Variants in TAOK3 observed in about 807,000 individuals in gnomAD.
The protein encoded by TAOK3 is serine/threonine-protein kinase TAO3.
A neutral mutation model predicts 120.4 loss-of-function variants in TAOK3; 40 were observed. The ratio of observed to expected loss-of-function variants is 0.33; its 90% CI spans 0.26 to 0.43. TAOK3 has a LOEUF of 0.43. TAOK3 is among the 20% of genes least tolerant of loss of function. The pLI is 1.00. For synonymous variants in TAOK3, 355 were observed against 387.5 expected, an observed-to-expected ratio of 0.92 and a Z score of 0.99; for missense variants, 821 against 1,112.1, an observed-to-expected ratio of 0.74 and a Z score of 3.72.
At chr12:118,250,652 T>A (rs2040710008) in intron 3 of TAOK3, among the ~76,000 whole-genome samples, 1 of 152,184 alleles carries the variant, frequency 6.6e-6, no homozygotes, top group Admixed American at 6.5e-5. Context: ...GTGCTAGGGA[T>A]AAGATAGTGA....
chr12:118,361,684 C>G (rs949708789), intron 1 of TAOK3, among the ~76,000 whole-genome samples: 1 of 152,074 alleles, frequency 6.6e-6, no homozygotes, highest in Non-Finnish European at 1.5e-5. Context: ...GTCTTGAACT[C>G]CTGACCTCAA....
At chr12:118,229,598 A>G (rs554026773) in intron 9 of TAOK3, among the ~76,000 whole-genome samples, 1 of 152,254 alleles carries the variant, frequency 6.6e-6, no homozygotes, top group African/African-American at 2.4e-5. Context: ...TTGATTAGAA[A>G]AGGTCTTCAT....
chr12:118,223,938 C>G (rs1475246701), intron 9 of TAOK3, among the ~76,000 whole-genome samples: 1 of 152,168 alleles, frequency 6.6e-6, no homozygotes, highest in Non-Finnish European at 1.5e-5. Flanking sequence ...CCAAGCCCAG[C>G]CCATAAGGTT....
chr12:118,170,819 GA>G (rs1206025960), intron 17 of TAOK3, among the ~76,000 whole-genome samples: 2 of 152,186 alleles, frequency 1.3e-5, no homozygotes, highest in African/African-American at 2.4e-5. Flanking sequence ...ACAGCATGCA[GA>G]AAGAGCCTGA....
chr12:118,276,323 T>A (rs988959656), intron 1 of TAOK3, among the ~76,000 whole-genome samples: 4 of 152,132 alleles, frequency 2.6e-5, no homozygotes, highest in Non-Finnish European at 4.4e-5. Context: ...GCTGCTTTGA[T>A]TGGAATATGA....
intron 19 of TAOK3, among the ~76,000 whole-genome samples, chr12:118,153,756 C>CTT (rs2034615542): frequency 6.6e-6 from 1 of 152,168 alleles, no homozygotes; most frequent in African/African-American, 2.4e-5. Context: ...TACTTATTCT[C>CTT]CACCTTATGT....
chr12:118,197,682 C>CTTTTTT (rs67635506), intron 13 of TAOK3, among the ~76,000 whole-genome samples: 20 of 90,780 alleles, frequency 2.2e-4, no homozygotes, highest in East Asian at 3.2e-4. Flanking sequence ...GCAAAACCTT[C>CTTTTTT]TTTTTTTTTT....
At chr12:118,328,883 T>C (rs1207371046) in intron 1 of TAOK3, among the ~76,000 whole-genome samples, 1 of 152,226 alleles carries the variant, frequency 6.6e-6, no homozygotes, top group African/African-American at 2.4e-5. Flanking sequence ...AAGTAACTAT[T>C]TTGCCTGTAA....
intron 9 of TAOK3, among the ~76,000 whole-genome samples, chr12:118,221,619 C>T (rs183768441): frequency 2.7e-5 from 4 of 148,716 alleles, no homozygotes; most frequent in African/African-American, 4.9e-5. Flanking sequence ...CCTTGTGATA[C>T]GGAATACATA....
intron 1 of TAOK3, among the ~76,000 whole-genome samples, chr12:118,356,303 T>C (rs975685823): frequency 6.8e-6 from 1 of 147,012 alleles, no homozygotes; most frequent in Non-Finnish European, 1.5e-5. Context: ...TTCTTTTTTT[T>C]TTTTTTTTTT....
intron 3 of TAOK3, among the ~76,000 whole-genome samples, chr12:118,245,313 G>A (rs2040442970): frequency 6.6e-6 from 1 of 151,792 alleles, no homozygotes; most frequent in South Asian, 2.1e-4. Flanking sequence ...TGAGATTACA[G>A]GTGTTTTATT....
intron 11 of TAOK3, among the ~76,000 whole-genome samples, chr12:118,201,671 A>G (rs1381980028): frequency 6.6e-6 from 1 of 152,102 alleles, no homozygotes; most frequent in East Asian, 1.9e-4. Flanking sequence ...CTTAAGCCCC[A>G]TTTTGCGGAT....
At chr12:118,268,825 A>G (rs2041570514) in intron 1 of TAOK3, among the ~76,000 whole-genome samples, 1 of 152,092 alleles carries the variant, frequency 6.6e-6, no homozygotes, top group Admixed American at 6.5e-5. Context: ...CCTAACCAAC[A>G]TGGAGAAACC....
At chr12:118,250,397 AT>A (rs1253687003) in intron 3 of TAOK3, among the ~76,000 whole-genome samples, 2 of 152,216 alleles carry the variant, frequency 1.3e-5, no homozygotes, top group Non-Finnish European at 2.9e-5. Flanking sequence ...CCAGCTTACA[AT>A]TCACACTAAG....
rs113559986 is a variant in TAOK3, at chr12:118,333,702, G to GA, written c.-194+38945dup. ...TCAATGAAATCAAAACTAGTTATTTGAAAAAAAAATCAATAAAATTTGTAA... is the reference window on the plus strand; with the variant it reads ...TCAATGAAATCAAAACTAGTTATTTGAAAAAAAAAATCAATAAAATTTGTAA... On this transcript the variant is annotated intron_variant, in intron 1 of 20. Coordinates refer to ENST00000392533, the MANE Select transcript of TAOK3 (RefSeq NM_016281.4). Among the ~76,000 whole-genome samples, 1,436 of 149,344 alleles carry GA rather than the reference G, an allele frequency of 9.6e-3. 20 individuals are homozygous for GA. The highest frequency in any genetic ancestry group is 0.032 in the African/African-American group (1,284 of 40,734).
chr12:118,231,175 A>T (rs984429993), intron 9 of TAOK3, among the ~76,000 whole-genome samples: 1 of 152,172 alleles, frequency 6.6e-6, no homozygotes, highest in Non-Finnish European at 1.5e-5. Context: ...TTTACCAAGA[A>T]GATCTGGAAG....
intron 1 of TAOK3, among the ~76,000 whole-genome samples, chr12:118,279,649 T>C (rs1235295005): frequency 6.7e-6 from 1 of 148,360 alleles, no homozygotes; most frequent in Non-Finnish European, 1.5e-5. Context: ...AGTGGTACAA[T>C]CTTGGCTGAC....
chr12:118,330,709 GGT>G (rs1374945820), intron 1 of TAOK3, among the ~76,000 whole-genome samples: 1 of 148,726 alleles, frequency 6.7e-6, no homozygotes. Flanking sequence ...CAAAAAAAGA[GGT>G]AAAGAGGAAA....
intron 3 of TAOK3, among the ~76,000 whole-genome samples, chr12:118,254,555 T>C (rs953275225): frequency 3.3e-5 from 5 of 152,038 alleles, no homozygotes; most frequent in African/African-American, 1.2e-4. Flanking sequence ...TCATAAAGTA[T>C]TGATTTAGGG....
Sources: gnomAD v4.1 joint callset for allele counts (sites outside exome capture counted in the v4.1 genomes callset) on GRCh38, gnomAD v4.1.1 for gene constraint, MANE v1.5 for transcripts, NCBI Gene and HGNC (gene_info 2026-07-23, HGNC 2026-07-21) for gene names.